ARFIP1: variants seen among roughly 807,000 people sequenced by gnomAD.
The protein encoded by ARFIP1 is ARF interacting protein 1.
Under a neutral mutation model 42.5 loss-of-function variants are expected in ARFIP1, and 24 were observed. That is an observed-to-expected ratio of 0.57 (90% confidence interval 0.41 to 0.80). The LOEUF (loss-of-function observed/expected upper bound fraction) is 0.80, where lower values mean the gene tolerates loss of function less well. Among genes scored for constraint, ARFIP1 ranks in the 30% least tolerant of loss-of-function variants. ARFIP1 has a pLI of 0.00. For synonymous variants in ARFIP1, 141 were observed against 153.7 expected (o/e 0.92, Z 0.61); for missense variants, 354 against 434.0 (o/e 0.82, Z 1.64).
At chr4:152,819,745 C>T (rs879403908) in intron 1 of ARFIP1, among the ~76,000 whole-genome samples, 9 of 152,184 alleles carry the variant, frequency 5.9e-5, no homozygotes, top group African/African-American at 1.9e-4. Context: ...CAGTTCTGGG[C>T]TTGGTAGACA....
intron 2 of ARFIP1, among the ~76,000 whole-genome samples, chr4:152,844,327 G>C (rs552465604): frequency 7.2e-5 from 11 of 152,168 alleles, no homozygotes; most frequent in Admixed American, 6.5e-4. Context: ...GGTCCTCTCG[G>C]GATTGCTGAT....
chr4:152,805,245 A>C (rs1728908422), intron 1 of ARFIP1, among the ~76,000 whole-genome samples: 1 of 152,218 alleles, frequency 6.6e-6, no homozygotes, highest in African/African-American at 2.4e-5. Flanking sequence ...TGTAAATCTG[A>C]TGTCAAGGTC....
intron 1 of ARFIP1, among the ~76,000 whole-genome samples, chr4:152,810,668 T>A (rs908690834): frequency 1.3e-5 from 2 of 151,418 alleles, no homozygotes; most frequent in East Asian, 3.9e-4. Flanking sequence ...AAAAAAATAT[T>A]AGCTGGGCGT....
intron 7 of ARFIP1, among the ~76,000 whole-genome samples, chr4:152,883,664 C>T (rs1326434096): frequency 6.6e-6 from 1 of 150,728 alleles, no homozygotes; most frequent in African/African-American, 2.4e-5. Context: ...TCATAACTAT[C>T]CTGTTAAATG....
intron 1 of ARFIP1, among the ~76,000 whole-genome samples, chr4:152,813,455 C>T (rs1471467765): frequency 6.6e-6 from 1 of 151,902 alleles, no homozygotes; most frequent in East Asian, 1.9e-4. Flanking sequence ...CTCCTCTTTT[C>T]CTGCCTTTTC....
At chr4:152,873,921 A>G (rs1164826704) in intron 5 of ARFIP1, among the ~76,000 whole-genome samples, 5 of 152,104 alleles carry the variant, frequency 3.3e-5, no homozygotes, top group Non-Finnish European at 7.3e-5. Context: ...ATTCATACCA[A>G]ATTTCCCAGA....
chr4:152,904,970 A>G (rs1308604252), intron 8 of ARFIP1, among the ~76,000 whole-genome samples: 7 of 152,196 alleles, frequency 4.6e-5, no homozygotes, highest in African/African-American at 1.7e-4. Flanking sequence ...AGGAATCACC[A>G]CACTGTCTTC....
intron 1 of ARFIP1, among the ~76,000 whole-genome samples, chr4:152,808,129 C>T (rs796455949): frequency 5.3e-5 from 8 of 151,836 alleles, no homozygotes; most frequent in African/African-American, 1.4e-4. Context: ...TACAGGCATG[C>T]GCCACCACGC....
chr4:152,880,378 G>A (rs1488062850), intron 5 of ARFIP1, among the ~76,000 whole-genome samples: 1 of 151,528 alleles, frequency 6.6e-6, no homozygotes, highest in African/African-American at 2.4e-5. Flanking sequence ...ATAGGTTTCT[G>A]TATTATTATT....
intron 1 of ARFIP1, among the ~76,000 whole-genome samples, chr4:152,816,595 A>G (rs79720233): frequency 1.3e-5 from 2 of 152,380 alleles, no homozygotes; most frequent in East Asian, 3.9e-4. Flanking sequence ...ATGACCATGA[A>G]CATTTATGAC....
In ARFIP1 at chr4:152,828,778, A is replaced by G. The variant is rs145955786; in HGVS notation, c.-9-847A>G. 5.1e-3 allele frequency among the ~76,000 whole-genome samples: 773 copies of G among 152,302 alleles called. 2 individuals carry two copies. Among genetic ancestry groups the G allele is most frequent in the Non-Finnish European group, 7.8e-3 (531 of 68,006 alleles). ...TCATGGATTATGGCATTGGTGTCGT[A>G]TCTAAGAAGTCATCACCATACCCAC... On this transcript the variant is annotated intron_variant, in intron 1 of 8. Transcript: ENST00000353617.
chr4:152,791,345 TG>T (rs1368283649), intron 1 of ARFIP1, among the ~76,000 whole-genome samples: 1 of 152,216 alleles, frequency 6.6e-6, no homozygotes, highest in East Asian at 1.9e-4. Flanking sequence ...TAAATTGTTT[TG>T]ACTGAAAAGC....
intron 2 of ARFIP1, among the ~76,000 whole-genome samples, chr4:152,857,257 A>G (rs556383801): frequency 6.6e-6 from 1 of 152,360 alleles, no homozygotes; most frequent in South Asian, 2.1e-4. Flanking sequence ...ACAGTTTGAG[A>G]ACATATTTCT....
In ARFIP1 at chr4:152,889,578, AAT is replaced by A. The variant is rs1164663789; in HGVS notation, c.966+1279_966+1280del. Reference sequence around the variant, plus strand: ...GTGTGTATATTTATGTGTATATATAAATATATATACACATAAATATATATATA... The same window carrying A: ...GTGTGTATATTTATGTGTATATATAAATATATACACATAAATATATATATA... On this transcript the variant is annotated intron_variant, in intron 8 of 8. Coordinates refer to ENST00000353617, the MANE Select transcript of ARFIP1 (RefSeq NM_001025595.3). 6.7e-4 allele frequency among the ~76,000 whole-genome samples: 69 copies of A among 103,638 alleles called. 3 individuals carry two copies. In the South Asian group the frequency reaches 0.018, roughly 28 times the overall value. 68.0% of individuals were successfully genotyped at this position (103,638 alleles called of 152,430 possible).
Position 152,911,274 on chromosome 4 carries a change from A to T in ARFIP1, c.*1055A>T, listed in dbSNP as rs1235742201. ...TGGGTTTCTTTGTACTTGTTAAGCC[A>T]CATTTGAGGTTTATGGTAAAAATCA... On this transcript the variant is annotated 3_prime_UTR_variant, in exon 9 of 9. Transcript: ENST00000353617. 1.3e-5 allele frequency: 2 copies of T among 152,618 alleles called. No individual in the cohort carries two copies. Among genetic ancestry groups the T allele is most frequent in the Non-Finnish European group, 2.9e-5 (2 of 68,020 alleles). 9.5% of individuals were successfully genotyped at this position (152,618 alleles called of 1,614,324 possible).
intron 8 of ARFIP1, among the ~76,000 whole-genome samples, chr4:152,905,432 G>A (rs1738230866): frequency 1.3e-5 from 2 of 150,626 alleles, no homozygotes. Context: ...AACTAAAGAT[G>A]TTGAGCATCT....
intron 8 of ARFIP1, among the ~76,000 whole-genome samples, chr4:152,895,113 A>C (rs977208877): frequency 3.3e-5 from 5 of 152,196 alleles, no homozygotes; most frequent in African/African-American, 1.2e-4. Context: ...ATCAGTGGGA[A>C]GCCCTTGAAA....
intron 2 of ARFIP1, among the ~76,000 whole-genome samples, chr4:152,846,922 ATTT>A (rs10712308): frequency 6.7e-6 from 1 of 148,510 alleles, no homozygotes; most frequent in Non-Finnish European, 1.5e-5. Flanking sequence ...TGAAATTACA[ATTT>A]TTTTTTTTTG....
intron 5 of ARFIP1, among the ~76,000 whole-genome samples, chr4:152,874,385 AT>A (rs1266477309): frequency 1.3e-5 from 2 of 152,338 alleles, no homozygotes; most frequent in African/African-American, 4.8e-5. Context: ...TAACTTGGAT[AT>A]TTTAATCTAG....
Sources: allele counts gnomAD v4.1 joint callset (sites outside exome capture counted in the v4.1 genomes callset), GRCh38; gene constraint gnomAD v4.1.1; transcripts MANE v1.5; gene names NCBI Gene and HGNC (gene_info 2026-07-23, HGNC 2026-07-21).